The following PPM1H variants were observed in gnomAD, a reference collection of about 807,000 sequenced individuals.
PPM1H encodes the protein protein phosphatase, Mg2+/Mn2+ dependent 1H.
Under a neutral mutation model 54.9 loss-of-function variants are expected in PPM1H, and 27 were observed. The ratio of observed to expected loss-of-function variants is 0.49; its 90% CI spans 0.36 to 0.68. The LOEUF is 0.68. Ranked by LOEUF, PPM1H falls within the 30% of genes least tolerant of loss-of-function variation. The pLI is 0.00. For missense variants in PPM1H, 596 were observed against 667.8 expected (o/e 0.89, Z 1.19); for synonymous variants, 305 against 270.8 (o/e 1.13, Z -1.24).
chr12:62,747,466 G>T (rs1412253134), intron 4 of PPM1H, among the ~76,000 whole-genome samples: 1 of 152,124 alleles, frequency 6.6e-6, no homozygotes, highest in Non-Finnish European at 1.5e-5. Flanking sequence ...GATGGGTACC[G>T]GGTTTAAGTG....
intron 1 of PPM1H, among the ~76,000 whole-genome samples, chr12:62,917,949 A>C (rs750370415): frequency 6.6e-6 from 1 of 152,208 alleles, no homozygotes; most frequent in African/African-American, 2.4e-5. Context: ...GTTAAAATGC[A>C]TATTCAGAGA....
At chr12:62,793,554 G>A (rs1763415562) in intron 3 of PPM1H, among the ~76,000 whole-genome samples, 3 of 151,816 alleles carry the variant, frequency 2.0e-5, no homozygotes, top group Admixed American at 1.3e-4. Context: ...TAGAAACCCC[G>A]TCTCTACTAA....
intron 4 of PPM1H, among the ~76,000 whole-genome samples, chr12:62,779,467 T>C (rs2076629436): frequency 6.6e-6 from 1 of 152,234 alleles, no homozygotes; most frequent in Admixed American, 6.5e-5. Flanking sequence ...CAGCGGCTTG[T>C]TGCATCTATA....
At chr12:62,842,757 T>C (rs1032836170) in intron 1 of PPM1H, among the ~76,000 whole-genome samples, 2 of 152,262 alleles carry the variant, frequency 1.3e-5, no homozygotes, top group South Asian at 4.1e-4. Flanking sequence ...CACCTAAACA[T>C]ACAGCAAAGC....
chr12:62,914,764 G>A (rs1323946223), intron 1 of PPM1H, among the ~76,000 whole-genome samples: 1 of 152,164 alleles, frequency 6.6e-6, no homozygotes, highest in Non-Finnish European at 1.5e-5. Context: ...GAGTCACATG[G>A]ACTCATCTAC....
intron 5 of PPM1H, chr12:62,720,875 A>G (rs1158376561): frequency 1.3e-5 from 2 of 152,728 alleles, no homozygotes; most frequent in Non-Finnish European, 1.5e-5. Flanking sequence ...TGTTCACACT[A>G]CAAAAGTCTT....
chr12:62,782,256 C>G (rs553295818), intron 4 of PPM1H, among the ~76,000 whole-genome samples: 1 of 152,288 alleles, frequency 6.6e-6, no homozygotes, highest in East Asian at 1.9e-4. Flanking sequence ...ATGAATAGTT[C>G]TTTGCATTCC....
At chr12:62,670,054 T>C (rs79108400) in intron 8 of PPM1H, among the ~76,000 whole-genome samples, 1,519 of 133,340 alleles carry the variant, frequency 0.011, 24 homozygotes, top group East Asian at 0.041. Context: ...CTCAGCTCAC[T>C]GCAACCTCTG....
chr12:62,780,950 T>C lies in PPM1H; in HGVS notation c.869+7276A>G, dbSNP rs557228329. 7.9e-5 allele frequency among the ~76,000 whole-genome samples: 12 copies of C among 152,346 alleles called. No homozygotes were observed. In the South Asian group the frequency reaches 2.5e-3, roughly 32 times the overall value. On this transcript the variant is annotated intron_variant, in intron 4 of 9. Transcript: ENST00000228705. The stretch of plus-strand genomic sequence containing the variant: ...GCATTTCTAAGTGCAAATATTCTAC[T>C]TCTATGAACTTCATGAGACTTCCCA...
At chr12:62,733,643 T>C (rs1431892450) in intron 5 of PPM1H, among the ~76,000 whole-genome samples, 2 of 152,224 alleles carry the variant, frequency 1.3e-5, no homozygotes, top group Non-Finnish European at 2.9e-5. Context: ...TATTTTATGC[T>C]ATGAATATTC....
chr12:62,934,882 T>G lies in PPM1H; in HGVS notation c.-146A>C, dbSNP rs1872280431. ...CGCGCCGCGCGCGGCTCCCAGAGCC[T>G]AGTGCTGCAGGGGGCCGAGCCCCGG... On this transcript the variant is annotated 5_prime_UTR_variant, in exon 1 of 10. The change abolishes the stop of an existing upstream ORF in the 5' untranslated region. Coordinates refer to ENST00000228705, the MANE Select transcript of PPM1H (RefSeq NM_020700.2). The surrounding 1 kb of genome is among the most constrained non-coding windows in gnomAD (Gnocchi z 4.2). 1 of 753,116 alleles carries G rather than the reference T, an allele frequency of 1.3e-6. No homozygotes were observed. 46.7% of individuals were successfully genotyped at this position (753,116 alleles called of 1,614,324 possible). A position where few individuals can be genotyped will look rare whatever the true frequency, so the allele number is the denominator to read the frequency against.
At chr12:62,777,301 C>T (rs1400363053) in intron 4 of PPM1H, among the ~76,000 whole-genome samples, 1 of 152,186 alleles carries the variant, frequency 6.6e-6, no homozygotes, top group Non-Finnish European at 1.5e-5. Context: ...AAACACCTGC[C>T]TTGCCTGTTA....
At chr12:62,892,098 C>T (rs1228338059) in intron 1 of PPM1H, among the ~76,000 whole-genome samples, 1 of 152,144 alleles carries the variant, frequency 6.6e-6, no homozygotes, top group Non-Finnish European at 1.5e-5. Context: ...CTCTGTAGTA[C>T]CTTTAACATT....
chr12:62,922,135 T>G (rs1483901594), intron 1 of PPM1H, among the ~76,000 whole-genome samples: 3 of 152,204 alleles, frequency 2.0e-5, no homozygotes, highest in Non-Finnish European at 4.4e-5. Context: ...AACGCACATA[T>G]AGTAAGGAAG....
In PPM1H at chr12:62,832,187, G is replaced by T. The variant is rs779079772; in HGVS notation, c.338C>A (p.Thr113Asn). The change falls in exon 2 of 10, where the codon ACC (threonine) becomes AAC (asparagine). Residue 113 changes from threonine (T) to asparagine (N), a missense_variant. This residue lies in a region of PPM1H where 382 missense variants were observed against 387.1 expected (regional missense o/e 0.99). Coordinates refer to ENST00000228705, the MANE Select transcript of PPM1H (RefSeq NM_020700.2). Reference protein sequence around the residue: ...VKKKAGAVTSTPNRNSSKRRS... With the variant: ...VKKKAGAVTSNPNRNSSKRRS... ...TCTCTTGGATGAGTTCCTGTTTGGG[G>T]TTGAGGTCACGGCCCCTGCCTTCTT... 5 of 1,613,770 alleles carry T rather than the reference G, an allele frequency of 3.1e-6. No individual in the cohort carries two copies. The African/African-American group carries it at 5.3e-5, about 17-fold the overall frequency.
intron 6 of PPM1H, among the ~76,000 whole-genome samples, chr12:62,715,223 T>C (rs1241177678): frequency 1.3e-5 from 2 of 152,146 alleles, no homozygotes; most frequent in Admixed American, 6.5e-5. Context: ...CCAGCTACAG[T>C]GTGCATCCTG....
intron 9 of PPM1H, among the ~76,000 whole-genome samples, chr12:62,654,835 G>GTAC (rs773368486): frequency 2.0e-5 from 3 of 152,170 alleles, no homozygotes; most frequent in African/African-American, 4.8e-5. Flanking sequence ...CCTGATCCAT[G>GTAC]TACCCATGTG....
intron 5 of PPM1H, among the ~76,000 whole-genome samples, chr12:62,733,834 A>G (rs976482979): frequency 1.3e-5 from 2 of 152,202 alleles, no homozygotes; most frequent in Non-Finnish European, 2.9e-5. Flanking sequence ...AATAGTGTCC[A>G]CACTGATTGT....
intron 2 of PPM1H, among the ~76,000 whole-genome samples, chr12:62,818,071 A>C (rs757714240): frequency 5.2e-4 from 79 of 152,352 alleles, no homozygotes; most frequent in African/African-American, 1.7e-3. Context: ...AGCCAAAAAC[A>C]ATCTGTTCGA....
Sources: gnomAD v4.1 joint callset for allele counts (sites outside exome capture counted in the v4.1 genomes callset) on GRCh38, gnomAD v4.1.1 for gene constraint, gnomAD v4.1.1 regional missense constraint, Gnocchi (gnomAD v3.1) non-coding constraint, MANE v1.5 for transcripts, NCBI Gene and HGNC (gene_info 2026-07-23, HGNC 2026-07-21) for gene names.